UNC13D: variants seen among roughly 807,000 people sequenced by gnomAD.
UNC13D encodes protein unc-13 homolog D.
In UNC13D, 115 loss-of-function variants were observed where a neutral mutation model predicts 151.7. That is an observed-to-expected ratio of 0.76 (90% confidence interval 0.65 to 0.88). The LOEUF is 0.88. Among genes scored for constraint, UNC13D ranks in the 40% least tolerant of loss-of-function variants. The probability of loss-of-function intolerance (pLI) is 0.00; values close to 1 mark genes in which losing one functional copy is unlikely to be tolerated. For synonymous variants in UNC13D, 588 were observed against 612.2 expected (o/e 0.96, Z 0.58); for missense variants, 1,369 against 1,438.7 (o/e 0.95, Z 0.78).
chr17:75,843,309 CT>C (rs1482850691), intron 2 of UNC13D, 43 bp from the exon 3 acceptor site: 18 of 1,599,628 alleles, frequency 1.1e-5, no homozygotes, highest in Admixed American at 1.0e-4. Context: ...CCAGCCACCC[CT>C]GGCACCAACA....
At chr17:75,844,121 G>A in intron 1 of UNC13D, 100 bp downstream of exon 1, 1 of 1,540,478 alleles carries the variant, frequency 6.5e-7, no homozygotes, top group Non-Finnish European at 8.9e-7. Flanking sequence ...CTGGTCCCCA[G>A]TCCCAGCCTT....
At position 75,835,412 on chromosome 17, in the gene UNC13D, A is replaced by G; in HGVS notation, c.1845T>C (p.Asp615=). Residue 615 remains aspartate, a synonymous_variant, in exon 20 of 32, where the codon GAT becomes GAC. Coordinates refer to ENST00000207549, the MANE Select transcript of UNC13D (RefSeq NM_199242.3). ...LARVQRAVQM[D]ELVPLGELTK... is the part of the protein sequence containing the mutation. ...CCTGCCCTGGCCACGCCCCCACCTC[A>G]TCCATCTGCACAGCGCGCTGCACCC... The G allele has an allele frequency of 6.2e-7, 1 of 1,611,660 alleles. No homozygotes were observed. The highest frequency in any genetic ancestry group is 1.7e-5 in the Admixed American group (1 of 59,970).
intron 27 of UNC13D, 138 bp downstream of exon 27, chr17:75,830,960 A>G: frequency 3.5e-6 from 4 of 1,132,074 alleles, no homozygotes; most frequent in Non-Finnish European, 3.8e-6. Flanking sequence ...TAAAATTTGT[A>G]ATAACTTTTG....
In UNC13D at chr17:75,840,886, G is replaced by C; in HGVS notation, c.615-56C>G. 1 of 1,613,952 alleles carries C rather than the reference G, an allele frequency of 6.2e-7. No individual in the cohort carries two copies. The highest frequency in any genetic ancestry group is 1.7e-5 in the Admixed American group (1 of 60,014). ...GAGAGAGTGCCTACGACCTCTTCCA[G>C]GAGGAGGTTCCGCCTCTCTCACCCC... is the stretch of plus-strand genomic sequence containing the variant. On this transcript the variant is annotated intron_variant, in intron 7 of 31. Coordinates refer to ENST00000207549, the MANE Select transcript of UNC13D (RefSeq NM_199242.3). The surrounding 1 kb of genome is among the most constrained non-coding windows in gnomAD (Gnocchi z 4.6).
intron 25 of UNC13D, chr17:75,831,621 A>C: frequency 3.9e-6 from 2 of 509,526 alleles, no homozygotes; most frequent in Non-Finnish European, 3.6e-6. Flanking sequence ...TGCACAAACA[A>C]GGCTGGAGAC....
chr17:75,828,796 CG>C lies in UNC13D; in HGVS notation c.3141del (p.Ala1048HisfsTer24). 1 of 1,544,814 alleles carries C rather than the reference CG, an allele frequency of 6.5e-7. No homozygotes were observed. ...VPQTRLPLTYPAPNGDPILQL... is the reference protein window; with the variant it reads ...VPQTRLPLTYXAPNGDPILQL... ...CTGGGCTCAGGCCTACCGTTGGGTGCGGGGTACGTGAGGGGCAGGCGGGTCT... is the reference window on the plus strand; with the variant it reads ...CTGGGCTCAGGCCTACCGTTGGGTGCGGGTACGTGAGGGGCAGGCGGGTCT... On this transcript the variant is annotated frameshift_variant, in exon 31 of 32. Transcript: ENST00000207549. LOFTEE classifies it high-confidence loss of function.
Position 75,828,101 on chromosome 17 carries a change from G to GT in UNC13D, c.3152-16dup. On this transcript the variant is annotated splice_polypyrimidine_tract_variant and intron_variant, in intron 31 of 31. Transcript: ENST00000207549. ...GATTGGGTCCCCTGCGGAGAGAGGGGTTTGGGGGTCAGATGCCAGGGGAGA... is the reference window on the plus strand; with the variant it reads ...GATTGGGTCCCCTGCGGAGAGAGGGGTTTTGGGGGTCAGATGCCAGGGGAGA... 6.4e-7 allele frequency: 1 copy of GT among 1,570,594 alleles called. No homozygotes were observed. The highest frequency in any genetic ancestry group is 8.6e-7 in the Non-Finnish European group (1 of 1,157,678).
At chr17:75,842,772 C>T (rs1208433609) in intron 5 of UNC13D, 85 bp downstream of exon 5, 12 of 1,598,648 alleles carry the variant, frequency 7.5e-6, no homozygotes, top group South Asian at 6.6e-5. Context: ...GAAGTGGGTG[C>T]TCCCGCCAAG....
chr17:75,841,894 G>A lies in UNC13D; in HGVS notation c.569+539C>T, dbSNP rs182775438. On this transcript the variant is annotated intron_variant, in intron 6 of 31. Transcript: ENST00000207549. Reference sequence around the variant, plus strand: ...CTTCCGAGTAGCTGGGACTACAGGCGCCTGCCACCACGCCCGGCTAATTTT... The same window carrying A: ...CTTCCGAGTAGCTGGGACTACAGGCACCTGCCACCACGCCCGGCTAATTTT... Among the ~76,000 whole-genome samples, 477 of 150,964 alleles carry A rather than the reference G, an allele frequency of 3.2e-3. 2 individuals carry two copies. The highest frequency in any genetic ancestry group is 9.5e-3 in the African/African-American group (392 of 41,118).
intron 6 of UNC13D, among the ~76,000 whole-genome samples, chr17:75,841,823 A>ACTGCAACCTCCGCCTCC (rs1175143637): frequency 3.1e-4 from 46 of 146,126 alleles, no homozygotes; most frequent in African/African-American, 1.1e-3. Flanking sequence ...ATCTCGGCTC[A>ACTGCAACCTCCGCCTCC]CTGCAACCTC....
intron 6 of UNC13D, among the ~76,000 whole-genome samples, chr17:75,841,924 A>AT (rs1415626992): frequency 5.3e-5 from 8 of 149,644 alleles, no homozygotes; most frequent in Non-Finnish European, 1.5e-5. Flanking sequence ...AATTTTTTGT[A>AT]TTTTAGTAGA....
intron 12 of UNC13D, among the ~76,000 whole-genome samples, chr17:75,837,585 C>T (rs558188101): frequency 2.9e-4 from 44 of 151,216 alleles, no homozygotes; most frequent in Admixed American, 2.5e-3. Flanking sequence ...GAAACCCCAT[C>T]TCTACCAAAA....
Position 75,827,375 on chromosome 17 carries a change from T to C in UNC13D, c.*590A>G, listed in dbSNP as rs546779200. The C allele has an allele frequency of 3.8e-6, 5 of 1,319,486 alleles. No individual in the cohort carries two copies. The African/African-American group carries it at 5.9e-5, about 16-fold the overall frequency. 81.7% of individuals were successfully genotyped at this position (1,319,486 alleles called of 1,614,324 possible). ...GTCTGTCTGTGCCAGCCCTGCCGCC[T>C]GCCAGCTCTTGCTCCCTCAGAGCCA... is the stretch of plus-strand genomic sequence containing the variant. On this transcript the variant is annotated 3_prime_UTR_variant, in exon 32 of 32. Transcript: ENST00000207549.
chr17:75,829,001 G>A lies in UNC13D; in HGVS notation c.2955-18C>T, dbSNP rs758204874. The A allele has an allele frequency of 6.3e-7, 1 of 1,598,736 alleles. No individual in the cohort carries two copies. Among genetic ancestry groups the A allele is most frequent in the South Asian group, 1.1e-5 (1 of 90,588 alleles). ...GCACCAGGCTGCGGGGAGAGTCAGG[G>A]CTCTGCTGCCAGCCCCAGCACAGCC... is the stretch of plus-strand genomic sequence containing the variant. On this transcript the variant is annotated intron_variant, in intron 30 of 31. Coordinates refer to ENST00000207549, the MANE Select transcript of UNC13D (RefSeq NM_199242.3).
In UNC13D at chr17:75,830,430, C is replaced by A. The variant is rs755468315; in HGVS notation, c.2762G>T (p.Arg921Leu). 1 of 1,585,568 alleles carries A rather than the reference C, an allele frequency of 6.3e-7. No individual in the cohort carries two copies. The highest frequency in any genetic ancestry group is 8.6e-7 in the Non-Finnish European group (1 of 1,167,156). Residue 921 changes from arginine to leucine, a missense_variant, in exon 29 of 32, where the codon CGC (arginine) becomes CTC (leucine). Physicochemically the swap from Arg to Leu is moderately radical, Grantham distance 102. Around this residue, in one of 3 missense-constraint regions of UNC13D, gnomAD observed 807 missense variants for 795.5 expected, o/e 1.01. Transcript: ENST00000207549. ...CACACGCAGCTTCTGCTCAGAGGCG[C>A]GGTAGGAGGCCTTGACTGTCACAGC... ...LGAVTVKASY[R>L]ASEQKLRVEL...
intron 21 of UNC13D, 34 bp from the exon 22 acceptor site, chr17:75,834,750 T>C: frequency 6.2e-7 from 1 of 1,610,150 alleles, no homozygotes; most frequent in Non-Finnish European, 8.5e-7. Flanking sequence ...AACTGATCCA[T>C]GGGTGGGGCA....
intron 12 of UNC13D, 78 bp downstream of exon 12, chr17:75,839,761 T>C (rs1359285678): frequency 5.5e-6 from 8 of 1,455,696 alleles, no homozygotes; most frequent in Non-Finnish European, 7.7e-6. Flanking sequence ...AATTACACTT[T>C]GGGCTACCGG....
rs775488014 is a variant in UNC13D at position 75,834,633 on chromosome 17, G to A, written c.2076C>T (p.Gly692=). The A allele has an allele frequency of 1.5e-5, 24 of 1,613,698 alleles. No individual in the cohort carries two copies. The highest frequency in any genetic ancestry group is 1.7e-6 in the Non-Finnish European group (2 of 1,180,038). ...CTGGCCTTACCATGTTGGCTGCCTG[G>A]CCTTGGTCCTTCTGGCCTGAAGAGA... The part of the protein sequence containing the change: ...RELSSGQKDQ[G]QAANMLCVVV... Residue 692 remains glycine (G), a synonymous_variant, in exon 22 of 32, where the codon GGC becomes GGT. Coordinates refer to ENST00000207549, the MANE Select transcript of UNC13D (RefSeq NM_199242.3).
At chr17:75,829,769 T>C in intron 30 of UNC13D, 1 of 439,328 alleles carries the variant, frequency 2.3e-6, no homozygotes, top group Non-Finnish European at 4.2e-6. Context: ...TTTGTATTTT[T>C]AGTAGAGACT....
Sources: allele counts gnomAD v4.1 joint callset (sites outside exome capture counted in the v4.1 genomes callset), GRCh38; gene constraint gnomAD v4.1.1; regional missense constraint gnomAD v4.1.1; non-coding constraint Gnocchi (gnomAD v3.1); transcripts MANE v1.5; gene names NCBI Gene and HGNC (gene_info 2026-07-23, HGNC 2026-07-21).